CSMD2: variants seen among roughly 807,000 people sequenced by gnomAD.
The protein encoded by CSMD2 is CUB and Sushi multiple domains 2.
A neutral mutation model predicts 398.5 loss-of-function variants in CSMD2; 130 were observed. The ratio of observed to expected loss-of-function variants is 0.33; its 90% confidence interval spans 0.28 to 0.38. CSMD2 has a LOEUF of 0.38. CSMD2 is among the 10% of genes least tolerant of loss of function. The probability of loss-of-function intolerance (pLI) is 1.00; values close to 1 mark genes in which losing one functional copy is unlikely to be tolerated. For synonymous variants in CSMD2, 1,828 were observed against 1,908.5 expected (o/e 0.96, Z 1.10); for missense variants, 3,829 against 4,764.9 (o/e 0.80, Z 5.78).
At chr1:33,597,533 C>G (rs1010319723) in intron 44 of CSMD2, among the ~76,000 whole-genome samples, 1 of 152,206 alleles carries the variant, frequency 6.6e-6, no homozygotes, top group African/African-American at 2.4e-5. Context: ...TGCCTCATCA[C>G]AAGCATACAA....
intron 45 of CSMD2, 143 bp downstream of exon 45, chr1:33,586,945 A>T: frequency 1.6e-6 from 1 of 640,168 alleles, no homozygotes; most frequent in Non-Finnish European, 2.7e-6. Flanking sequence ...AGTGGGCAGA[A>T]CCCTCTGGCA....
At chr1:33,803,330 C>A (rs1368329170) in intron 10 of CSMD2, among the ~76,000 whole-genome samples, 1 of 152,200 alleles carries the variant, frequency 6.6e-6, no homozygotes, top group Non-Finnish European at 1.5e-5. Flanking sequence ...AGATAACACC[C>A]AAACCTCTCT....
intron 26 of CSMD2, among the ~76,000 whole-genome samples, chr1:33,662,234 C>A (rs1487092552): frequency 6.6e-6 from 1 of 152,082 alleles, no homozygotes; most frequent in Non-Finnish European, 1.5e-5. Flanking sequence ...ATGTTCACTT[C>A]CAGTCTTTGC....
chr1:33,988,236 C>A (rs1168988791), intron 3 of CSMD2, among the ~76,000 whole-genome samples: 1 of 152,212 alleles, frequency 6.6e-6, no homozygotes, highest in Non-Finnish European at 1.5e-5. Flanking sequence ...TCAGATGCAG[C>A]TTTGTGAGCA....
chr1:33,656,092 G>A (rs1217412165), intron 27 of CSMD2, among the ~76,000 whole-genome samples: 1 of 17,722 alleles, frequency 5.6e-5, no homozygotes, highest in African/African-American at 7.0e-4. Flanking sequence ...TTCTGGCTTA[G>A]GGAAGGGGAA....
chr1:34,070,327 C>T (rs1217978063), intron 2 of CSMD2, among the ~76,000 whole-genome samples: 1 of 152,154 alleles, frequency 6.6e-6, no homozygotes, highest in Non-Finnish European at 1.5e-5. Context: ...TATCTCTGTC[C>T]TTTAGGGTAG....
upstream of CSMD2, chr1:34,165,747 C>A (rs1641831378): frequency 6.2e-7 from 1 of 1,613,800 alleles, no homozygotes; most frequent in South Asian, 1.1e-5. Flanking sequence ...TGGCTCTTAC[C>A]AGCTGATCTT....
chr1:34,081,093 G>A (rs7551631), intron 2 of CSMD2, among the ~76,000 whole-genome samples: 77,084 of 151,894 alleles, frequency 0.51, 20,181 homozygotes, highest in African/African-American at 0.62. Flanking sequence ...TCAATAAAAT[G>A]GGTGATTTTA....
At chr1:33,736,711 T>C (rs1224553536) in intron 15 of CSMD2, among the ~76,000 whole-genome samples, 1 of 152,090 alleles carries the variant, frequency 6.6e-6, no homozygotes, top group Non-Finnish European at 1.5e-5. Context: ...TCAGGGGCAA[T>C]GGGAATCTGG....
chr1:33,880,340 C>T (rs771364998), intron 5 of CSMD2, among the ~76,000 whole-genome samples: 7 of 152,082 alleles, frequency 4.6e-5, no homozygotes, highest in Admixed American at 6.6e-5. Context: ...GTGTTCTTAT[C>T]CCTAGTATGG....
chr1:33,916,666 A>G (rs1352816940), intron 5 of CSMD2, among the ~76,000 whole-genome samples: 4 of 152,110 alleles, frequency 2.6e-5, no homozygotes, highest in Admixed American at 2.6e-4. Context: ...ATGTCGGCTC[A>G]CCTTCCACTG....
At chr1:33,675,194 A>G (rs1474108419) in intron 25 of CSMD2, among the ~76,000 whole-genome samples, 1 of 152,184 alleles carries the variant, frequency 6.6e-6, no homozygotes, top group Non-Finnish European at 1.5e-5. Flanking sequence ...AAGATCAACA[A>G]AATTGATAGA....
intron 1 of CSMD2, among the ~76,000 whole-genome samples, chr1:34,140,051 G>A (rs1453204986): frequency 6.6e-6 from 1 of 152,140 alleles, no homozygotes; most frequent in Non-Finnish European, 1.5e-5. Context: ...GCAAAGCCAG[G>A]CAAAGTCCCT....
At chr1:33,536,893 C>T in intron 62 of CSMD2, 129 bp downstream of exon 62, 4 of 853,604 alleles carry the variant, frequency 4.7e-6, no homozygotes, top group South Asian at 1.6e-5. Context: ...AGAGGGCTTT[C>T]TTTCTGCGCT....
chr1:34,048,649 G>A (rs1466489505), intron 2 of CSMD2, among the ~76,000 whole-genome samples: 1 of 152,166 alleles, frequency 6.6e-6, no homozygotes, highest in Non-Finnish European at 1.5e-5. Context: ...TACCTGCTCT[G>A]TACCACAATG....
chr1:33,790,823 A>ATCTATCTC lies in CSMD2; in HGVS notation c.1550+1599_1550+1600insGAGATAGA, dbSNP rs1654198633. Among the ~76,000 whole-genome samples, 4 of 151,870 alleles carry ATCTATCTC rather than the reference A, an allele frequency of 2.6e-5. No homozygotes were observed. The South Asian group carries it at 6.2e-4, about 24-fold the overall frequency. ...CTAATATCTATCTATCTATCTATCTATCTATCTATCTATCTATCTATCATC... is the reference window on the plus strand; with the variant it reads ...CTAATATCTATCTATCTATCTATCTATCTATCTCTCTATCTATCTATCTATCTATCATC... On this transcript the variant is annotated intron_variant, in intron 11 of 70. Coordinates refer to ENST00000373381, the MANE Select transcript of CSMD2 (RefSeq NM_001281956.2).
intron 2 of CSMD2, among the ~76,000 whole-genome samples, chr1:34,088,559 G>A (rs1315447741): frequency 6.6e-6 from 1 of 152,184 alleles, no homozygotes; most frequent in African/African-American, 2.4e-5. Context: ...CCTTGGAAAT[G>A]CAAAGCAAAG....
intron 2 of CSMD2, among the ~76,000 whole-genome samples, chr1:34,073,793 G>A (rs1412559379): frequency 6.6e-6 from 1 of 152,176 alleles, no homozygotes; most frequent in Non-Finnish European, 1.5e-5. Context: ...GTCCATTCTT[G>A]CATTGCTGTA....
intron 13 of CSMD2, among the ~76,000 whole-genome samples, chr1:33,748,434 C>T (rs936326766): frequency 3.9e-5 from 6 of 152,082 alleles, no homozygotes; most frequent in Non-Finnish European, 5.9e-5. Context: ...AAGTCAGAAG[C>T]GTCAGACTGT....
Sources: allele counts gnomAD v4.1 joint callset (sites outside exome capture counted in the v4.1 genomes callset), GRCh38; gene constraint gnomAD v4.1.1; transcripts MANE v1.5; gene names NCBI Gene and HGNC (gene_info 2026-07-23, HGNC 2026-07-21).